CRHR2: variants seen among roughly 807,000 people sequenced by gnomAD.
CRHR2 encodes corticotropin-releasing hormone receptor 2.
A neutral mutation model predicts 57.9 loss-of-function variants in CRHR2; 53 were observed. The observed-to-expected ratio is 0.92, with a 90% CI of 0.73 to 1.15. CRHR2 has a LOEUF of 1.15. Among genes scored for constraint, CRHR2 ranks in the 50% most tolerant of loss-of-function variants. CRHR2 has a pLI of 0.00. For synonymous variants in CRHR2, 213 were observed against 220.9 expected, an observed-to-expected ratio of 0.96 and a Z score of 0.32; for missense variants, 532 against 542.6, an observed-to-expected ratio of 0.98 and a Z score of 0.19.
intron 6 of CRHR2, 25 bp from the exon 7 acceptor site, chr7:30,662,241 GCAGGGGA>G: frequency 6.2e-7 from 1 of 1,613,508 alleles, no homozygotes; most frequent in Non-Finnish European, 8.5e-7. Flanking sequence ...GACTTGGGCT[GCAGGGGA>G]CAGATGGACA....
intron 2 of CRHR2, among the ~76,000 whole-genome samples, chr7:30,677,149 G>A (rs1784544360): frequency 6.6e-6 from 1 of 152,190 alleles, no homozygotes. Context: ...GGGAGACAGT[G>A]GGTTTGGAGA....
chr7:30,699,953 C>T (rs529823394), exon 1 of CRHR2: 43 of 1,503,006 alleles, frequency 2.9e-5, no homozygotes, highest in Non-Finnish European at 3.6e-5. Context: ...CGTATTGGAG[C>T]GGCGGTGGGA....
chr7:30,698,109 T>C (rs2128152566), intron 1 of CRHR2: 1 of 152,286 alleles, frequency 6.6e-6, no homozygotes, highest in African/African-American at 2.4e-5. Context: ...GGTCTCATCG[T>C]CTCAGGACCC....
At chr7:30,676,052 C>T (rs1057223110) in intron 2 of CRHR2, among the ~76,000 whole-genome samples, 3 of 152,152 alleles carry the variant, frequency 2.0e-5, no homozygotes, top group Non-Finnish European at 4.4e-5. Context: ...CAGGAGTTCC[C>T]AGAGCCAGCA....
At position 30,667,160 on chromosome 7, in the gene CRHR2, T is replaced by C. The variant is rs778681242; in HGVS notation, c.315+68A>G. 79 of 1,448,868 alleles carry C rather than the reference T, an allele frequency of 5.5e-5. No homozygotes were observed. The Middle Eastern group carries it at 1.9e-3, about 35-fold the overall frequency. The allele number at this position is 1,448,868 out of a possible 1,614,324, so 89.8% of individuals were successfully genotyped here. On this transcript the variant is annotated intron_variant, in intron 3 of 11. Coordinates refer to ENST00000471646, the MANE Select transcript of CRHR2 (RefSeq NM_001883.5). ...GGACTGGTCTGCCCCCCTTGGGATC[T>C]TCTCTGCTCAACCTGAGTCCAAATA...
At chr7:30,684,851 G>A (rs1784823375), upstream of CRHR2, among the ~76,000 whole-genome samples, 1 of 152,210 alleles carries the variant, frequency 6.6e-6, no homozygotes. Flanking sequence ...ATTGGGAAGA[G>A]CCCCAAAATT....
intron 2 of CRHR2, among the ~76,000 whole-genome samples, chr7:30,668,754 C>T (rs372779240): frequency 9.2e-5 from 14 of 152,296 alleles, no homozygotes; most frequent in East Asian, 5.8e-4. Context: ...AACCCAGGGA[C>T]GTGACTGGCC....
rs575053441 is a variant in CRHR2, at chr7:30,655,179, A to G, written c.1054-99T>C. The G allele has an allele frequency of 8.9e-6, 12 of 1,354,196 alleles. No homozygotes were observed. In the East Asian group the frequency reaches 1.7e-4, roughly 20 times the overall value. The allele number at this position is 1,354,196 out of a possible 1,614,324, so 83.9% of individuals were successfully genotyped here. A position where few individuals can be genotyped will look rare whatever the true frequency, so the allele number is the denominator to read the frequency against. ...GGGACAAGATGGTGGGGGGGGGACA[A>G]TTTGACCCAGGAACCCCTGGAGTCA... On this transcript the variant is annotated intron_variant, in intron 10 of 11. Coordinates refer to ENST00000471646, the MANE Select transcript of CRHR2 (RefSeq NM_001883.5).
rs1210579927 is a variant in CRHR2 at position 30,681,924 on chromosome 7, T to C, written c.220A>G (p.Asn74Asp). Reference sequence around the variant, plus strand: ...GGCCGGGGGCACTCACGGGTCGTGTTGTACTTGACGCCGTTGAAGTACTCG... The same window carrying C: ...GGCCGGGGGCACTCACGGGTCGTGTCGTACTTGACGCCGTTGAAGTACTCG... ...CPEYFNGVKY[N>D]TTRNAYRECL... Residue 74 changes from asparagine (N) to aspartate (D), a missense_variant, in exon 2 of 12, where the codon AAC becomes GAC. By Grantham distance (23) the Asn-to-Asp change is conservative. Coordinates refer to ENST00000471646, the MANE Select transcript of CRHR2 (RefSeq NM_001883.5). 1 of 1,611,136 alleles carries C rather than the reference T, an allele frequency of 6.2e-7. No homozygotes were observed. The highest frequency in any genetic ancestry group is 2.2e-5 in the East Asian group (1 of 44,682).
intron 8 of CRHR2, among the ~76,000 whole-genome samples, chr7:30,658,280 G>A (rs1783866143): frequency 1.3e-5 from 2 of 152,150 alleles, no homozygotes; most frequent in Non-Finnish European, 2.9e-5. Context: ...ATTGTACCCT[G>A]CCCTCGTTCA....
chr7:30,662,664 A>T (rs751983362), intron 6 of CRHR2, 30 bp downstream of exon 6: 1 of 1,605,328 alleles, frequency 6.2e-7, no homozygotes, highest in Admixed American at 1.7e-5. Flanking sequence ...CCTCCCCCCA[A>T]CTAGGCCCTG....
In CRHR2 at chr7:30,656,950, T is replaced by C. The variant is rs548969062; in HGVS notation, c.832-938A>G. 6.6e-6 allele frequency among the ~76,000 whole-genome samples: 1 copy of C among 152,206 alleles called. No individual in the cohort carries two copies. Among genetic ancestry groups the C allele is most frequent in the Admixed American group, 6.5e-5 (1 of 15,298 alleles). ...GTTTCTCTTCACCTGCCTCCGAGCA[T>C]AGGCAGGCAGGCAGGCAAGGGAGTG... On this transcript the variant is annotated intron_variant, in intron 8 of 11. Coordinates refer to ENST00000471646, the MANE Select transcript of CRHR2 (RefSeq NM_001883.5). This position sits in a 1 kb window ranked among gnomAD's most constrained non-coding sequence, Gnocchi z 4.4.
At chr7:30,671,441 A>G (rs1784350211) in intron 2 of CRHR2, among the ~76,000 whole-genome samples, 1 of 152,044 alleles carries the variant, frequency 6.6e-6, no homozygotes, top group Admixed American at 6.6e-5. Context: ...TGGGGAAAAG[A>G]GTTAATGGGA....
In CRHR2 at chr7:30,653,235, T is replaced by G; in HGVS notation, c.*225A>C. ...CATCTGACTGGCTCTTCTCAGGGGG[T>G]CCTGTGAATTCCCTCTGCTTCCTCT... is the stretch of plus-strand genomic sequence containing the variant. On this transcript the variant is annotated 3_prime_UTR_variant, in exon 12 of 12. Transcript: ENST00000471646. The surrounding 1 kb of genome is among the most constrained non-coding windows in gnomAD (Gnocchi z 5.0). 5 of 546,130 alleles carry G rather than the reference T, an allele frequency of 9.2e-6. No individual in the cohort carries two copies. The highest frequency in any genetic ancestry group is 1.9e-5 in the African/African-American group (1 of 52,728). The allele number at this position is 546,130 out of a possible 1,614,324, so 33.8% of individuals were successfully genotyped here.
chr7:30,663,122 A>C (rs38028), intron 5 of CRHR2, among the ~76,000 whole-genome samples: 1 of 152,242 alleles, frequency 6.6e-6, no homozygotes, highest in Admixed American at 6.5e-5. Context: ...TAAAGAGAGC[A>C]AGAGTCTGGC....
chr7:30,658,932 C>T (rs2128140511), intron 8 of CRHR2, among the ~76,000 whole-genome samples: 1 of 152,184 alleles, frequency 6.6e-6, no homozygotes, highest in South Asian at 2.1e-4. Flanking sequence ...ACGTGTCCAA[C>T]CTCGAGGACA....
chr7:30,668,840 C>T (rs28436234), intron 2 of CRHR2, among the ~76,000 whole-genome samples: 4 of 152,216 alleles, frequency 2.6e-5, no homozygotes, highest in African/African-American at 9.6e-5. Context: ...CAGGGAATGC[C>T]CTGGTCTGAT....
chr7:30,671,134 C>T (rs777780162), intron 2 of CRHR2, among the ~76,000 whole-genome samples: 36 of 152,174 alleles, frequency 2.4e-4, no homozygotes, highest in Non-Finnish European at 4.4e-4. Flanking sequence ...AAGCCCCTTC[C>T]CTCTTGGTCT....
chr7:30,689,324 G>A (rs1170017259), intron 1 of CRHR2: 1 of 1,514,584 alleles, frequency 6.6e-7, no homozygotes, highest in South Asian at 1.2e-5. Flanking sequence ...ATCAGGCCCA[G>A]GCTAGCCATT....
Sources: gnomAD v4.1 joint callset for allele counts (sites outside exome capture counted in the v4.1 genomes callset) on GRCh38, gnomAD v4.1.1 for gene constraint, Gnocchi (gnomAD v3.1) non-coding constraint, MANE v1.5 for transcripts, NCBI Gene and HGNC (gene_info 2026-07-23, HGNC 2026-07-21) for gene names.